Variants in SLC28A3 observed in about 807,000 individuals in gnomAD.
SLC28A3 encodes the protein solute carrier family 28 member 3, also known as concentrative Na(+)-nucleoside cotransporter 3.
A neutral mutation model predicts 84.2 loss-of-function variants in SLC28A3; 68 were observed. The ratio of observed to expected loss-of-function variants is 0.81; its 90% CI spans 0.66 to 0.99. SLC28A3 has a LOEUF of 0.99. Ranked by LOEUF, SLC28A3 falls within the 50% of genes least tolerant of loss-of-function variation. SLC28A3 has a pLI of 0.00. For missense variants in SLC28A3, 712 were observed against 841.5 expected (o/e 0.85, Z 1.90); for synonymous variants, 267 against 303.6 (o/e 0.88, Z 1.25).
intron 17 of SLC28A3, 79 bp from the exon 18 acceptor site, chr9:84,278,423 A>G: frequency 1.3e-6 from 2 of 1,570,016 alleles, no homozygotes; most frequent in Non-Finnish European, 1.7e-6. Context: ...GACATTAAAA[A>G]TAGTTCAGGG....
chr9:84,336,240 G>A (rs1049959171), intron 1 of SLC28A3, among the ~76,000 whole-genome samples: 2 of 151,918 alleles, frequency 1.3e-5, no homozygotes, highest in African/African-American at 4.8e-5. Context: ...GGTGGCTCAC[G>A]CCTGTAATCC....
chr9:84,302,853 C>T (rs1470377185), intron 4 of SLC28A3, among the ~76,000 whole-genome samples: 1 of 152,116 alleles, frequency 6.6e-6, no homozygotes, highest in Non-Finnish European at 1.5e-5. Context: ...CAGACTACTT[C>T]TCTAAGTGAC....
chr9:84,354,667 G>A, the SLC28A3 span, among the ~76,000 whole-genome samples: 3 of 152,148 alleles, frequency 2.0e-5, no homozygotes, highest in Non-Finnish European at 4.4e-5. Flanking sequence ...GGGCAACATG[G>A]CGAAACCCTG....
At chr9:84,278,563 A>C (rs962452204) in intron 17 of SLC28A3, among the ~76,000 whole-genome samples, 1 of 152,242 alleles carries the variant, frequency 6.6e-6, no homozygotes, top group African/African-American at 2.4e-5. Flanking sequence ...ATAACAAGCA[A>C]AGATAGGATA....
the SLC28A3 span, among the ~76,000 whole-genome samples, chr9:84,346,191 T>C: frequency 1.3e-5 from 2 of 152,338 alleles, no homozygotes; most frequent in East Asian, 3.9e-4. Context: ...CCCCGTTCTG[T>C]TCTCTAAAAC....
chr9:84,327,356 A>G lies in SLC28A3; in HGVS notation c.60+13218T>C, dbSNP rs567145375. On this transcript the variant is annotated intron_variant, in intron 1 of 17. Transcript: ENST00000376238. ...AAACTGTCAAAACTACTTTTTCAGA[A>G]CACCGAAAAAAAAAAAAAAAAAGAC... 7.4e-4 allele frequency among the ~76,000 whole-genome samples: 77 copies of G among 104,386 alleles called. No individual in the cohort carries two copies. In the South Asian group the frequency reaches 0.028, roughly 38 times the overall value. The allele number at this position is 104,386 out of a possible 152,430, so 68.5% of individuals were successfully genotyped here.
Position 84,305,234 on chromosome 9 carries a change from TAACC to T in SLC28A3, c.334+16_334+19del. ...AAAAAAAAAAAGACAGTGGTATCCC[TAACC>T]ATCTTTGTTATTTACCTGCTAATAA... On this transcript the variant is annotated intron_variant, in intron 4 of 17. Transcript: ENST00000376238. The T allele has an allele frequency of 1.4e-6, 2 of 1,478,572 alleles. No homozygotes were observed. Among genetic ancestry groups the T allele is most frequent in the African/African-American group, 2.8e-5 (2 of 70,214 alleles). 91.6% of individuals were successfully genotyped at this position (1,478,572 alleles called of 1,614,324 possible).
chr9:84,290,111 G>C, intron 11 of SLC28A3, 43 bp downstream of exon 11: 1 of 1,598,384 alleles, frequency 6.3e-7, no homozygotes, highest in South Asian at 1.1e-5. Context: ...CAATAATAAA[G>C]AAAGAAGAGG....
In SLC28A3 at chr9:84,297,900, A is replaced by G. The variant is rs3812510; in HGVS notation, c.783+6T>C. ...AAAGCAAAGTGTTCTTTTGAACCAA[A>G]CTTACCTGAACTTGTCTGCCCAACC... On this transcript the variant is annotated splice_donor_region_variant and intron_variant, in intron 7 of 17. Coordinates refer to ENST00000376238, the MANE Select transcript of SLC28A3 (RefSeq NM_001199633.2). 0.023 allele frequency: 37,114 copies of G among 1,591,838 alleles called. 2,635 individuals are homozygous for G. The East Asian group carries it at 0.27, about 11-fold the overall frequency.
At chr9:84,305,215 AAAAAG>A (rs781572528) in intron 4 of SLC28A3, 34 bp downstream of exon 4, 30 of 1,517,720 alleles carry the variant, frequency 2.0e-5, no homozygotes, top group South Asian at 4.8e-5. Context: ...AAAAAAAAAA[AAAAAG>A]ACAGTGGTAT....
upstream of SLC28A3, among the ~76,000 whole-genome samples, chr9:84,341,950 G>A (rs1206718791): frequency 6.6e-6 from 1 of 151,896 alleles, no homozygotes; most frequent in Non-Finnish European, 1.5e-5. Flanking sequence ...CCAACATGGC[G>A]AAACTCCATC....
At chr9:84,349,085 G>A in the SLC28A3 span, among the ~76,000 whole-genome samples, 4 of 152,050 alleles carry the variant, frequency 2.6e-5, no homozygotes, top group Admixed American at 2.0e-4. Context: ...GGGTGCAGGC[G>A]GGCTGAGTCC....
chr9:84,305,125 C>T lies in SLC28A3; in HGVS notation c.334+129G>A, dbSNP rs1441828723. 4.3e-5 allele frequency: 33 copies of T among 771,698 alleles called. No homozygotes were observed. The East Asian group carries it at 4.3e-4, about 10-fold the overall frequency. The allele number at this position is 771,698 out of a possible 1,614,324, so 47.8% of individuals were successfully genotyped here. Reference sequence around the variant, plus strand: ...TCTTGATTTACTTCTCTACCACCCCCGATGATTCAGTGAGGTCCCAGAGAA... The same window carrying T: ...TCTTGATTTACTTCTCTACCACCCCTGATGATTCAGTGAGGTCCCAGAGAA... On this transcript the variant is annotated intron_variant, in intron 4 of 17. Coordinates refer to ENST00000376238, the MANE Select transcript of SLC28A3 (RefSeq NM_001199633.2).
rs796110868 is a variant in SLC28A3, at chr9:84,276,213, A to C, written c.*2005T>G. 5.8e-4 allele frequency: 89 copies of C among 152,240 alleles called. 1 individual carries two copies. The highest frequency in any genetic ancestry group is 2.1e-3 in the African/African-American group (86 of 41,532). 9.4% of individuals were successfully genotyped at this position (152,240 alleles called of 1,614,324 possible). On this transcript the variant is annotated 3_prime_UTR_variant, in exon 18 of 18. Transcript: ENST00000376238. ...ACATGGATTAAGTATTATCAGTAAA[A>C]CTTTAGTGTCTCAACTGAGATATGC...
chr9:84,295,174 A>T (rs1002949243), intron 8 of SLC28A3, among the ~76,000 whole-genome samples: 8 of 152,172 alleles, frequency 5.3e-5, no homozygotes, highest in African/African-American at 1.7e-4. Flanking sequence ...TCATGACCTT[A>T]TGCAGTAAAC....
At chr9:84,338,199 A>C (rs1827046649) in intron 1 of SLC28A3, among the ~76,000 whole-genome samples, 1 of 152,256 alleles carries the variant, frequency 6.6e-6, no homozygotes. Context: ...AATTTCTAGC[A>C]CAATTCACAG....
intron 1 of SLC28A3, among the ~76,000 whole-genome samples, chr9:84,338,605 A>G (rs951893549): frequency 3.9e-5 from 6 of 152,124 alleles, no homozygotes; most frequent in African/African-American, 1.4e-4. Context: ...GTTTTGCTAG[A>G]AGACAGTGAG....
chr9:84,329,966 A>G (rs545437697), intron 1 of SLC28A3, among the ~76,000 whole-genome samples: 5 of 152,326 alleles, frequency 3.3e-5, no homozygotes, highest in African/African-American at 9.6e-5. Context: ...AATTGCTTAT[A>G]TTATCAAGAA....
chr9:84,315,178 G>A (rs1826128884), intron 1 of SLC28A3, among the ~76,000 whole-genome samples: 2 of 152,206 alleles, frequency 1.3e-5, no homozygotes, highest in South Asian at 4.1e-4. Flanking sequence ...CAGGTACCCG[G>A]AGAATCATTT....
Sources: allele counts gnomAD v4.1 joint callset (sites outside exome capture counted in the v4.1 genomes callset), GRCh38; gene constraint gnomAD v4.1.1; transcripts MANE v1.5; gene names NCBI Gene and HGNC (gene_info 2026-07-23, HGNC 2026-07-21).